PXDNL: variants seen among roughly 807,000 people sequenced by gnomAD.
PXDNL encodes probable oxidoreductase PXDNL.
Under a neutral mutation model 150.8 loss-of-function variants are expected in PXDNL, and 145 were observed. That is an observed-to-expected ratio of 0.96 (90% CI 0.84 to 1.10). The LOEUF is 1.10. Among genes scored for constraint, PXDNL ranks in the 50% least tolerant of loss-of-function variants. The pLI is 0.00. For synonymous variants in PXDNL, 757 were observed against 725.7 expected, an observed-to-expected ratio of 1.04 and a Z score of -0.69; for missense variants, 2,087 against 1,873.9, an observed-to-expected ratio of 1.11 and a Z score of -2.10.
chr8:51,573,185 A>C (rs1812981931), intron 3 of PXDNL, among the ~76,000 whole-genome samples: 2 of 152,016 alleles, frequency 1.3e-5, no homozygotes, highest in Admixed American at 1.3e-4. Flanking sequence ...CATGCCATTA[A>C]AAGTCAACTG....
intron 1 of PXDNL, among the ~76,000 whole-genome samples, chr8:51,768,021 G>T (rs1563315212): frequency 6.6e-6 from 1 of 152,136 alleles, no homozygotes; most frequent in Non-Finnish European, 1.5e-5. Context: ...TGGTTTCTAG[G>T]CTCCTGATTT....
chr8:51,382,339 C>G (rs973241499), intron 17 of PXDNL, among the ~76,000 whole-genome samples: 2 of 152,140 alleles, frequency 1.3e-5, no homozygotes, highest in African/African-American at 2.4e-5. Context: ...CACCTTGATT[C>G]CAGACTTCCA....
At chr8:51,773,972 G>C (rs2037326019) in intron 1 of PXDNL, among the ~76,000 whole-genome samples, 1 of 152,150 alleles carries the variant, frequency 6.6e-6, no homozygotes, top group African/African-American at 2.4e-5. Context: ...TTAGGGACAT[G>C]TAAATTGAGA....
intron 19 of PXDNL, among the ~76,000 whole-genome samples, chr8:51,371,443 T>C (rs1250727699): frequency 1.3e-5 from 2 of 152,256 alleles, no homozygotes; most frequent in African/African-American, 2.4e-5. Flanking sequence ...CAAAATTTCC[T>C]TGTACTTCCA....
chr8:51,499,631 G>T, intron 5 of PXDNL, 68 bp downstream of exon 5: 1 of 1,219,544 alleles, frequency 8.2e-7, no homozygotes, highest in Non-Finnish European at 1.2e-6. Flanking sequence ...CTCCACGGCA[G>T]TCAGATGGGT....
chr8:51,454,827 GCTC>G (rs1809889982), intron 9 of PXDNL, among the ~76,000 whole-genome samples: 1 of 152,186 alleles, frequency 6.6e-6, no homozygotes, highest in Admixed American at 6.5e-5. Context: ...CTCCTTGTGT[GCTC>G]CTACTCTAGC....
At chr8:51,397,584 C>T (rs1250572980) in intron 17 of PXDNL, among the ~76,000 whole-genome samples, 1 of 152,018 alleles carries the variant, frequency 6.6e-6, no homozygotes, top group Non-Finnish European at 1.5e-5. Flanking sequence ...TAAATAGTTG[C>T]AATGTACTGT....
chr8:51,775,920 G>A (rs2037348047), intron 1 of PXDNL, among the ~76,000 whole-genome samples: 1 of 152,172 alleles, frequency 6.6e-6, no homozygotes, highest in African/African-American at 2.4e-5. Flanking sequence ...GCAAATAGGA[G>A]AAATATCGCT....
At chr8:51,703,292 CCA>C (rs1816295527) in intron 1 of PXDNL, among the ~76,000 whole-genome samples, 2 of 42,160 alleles carry the variant, frequency 4.7e-5, no homozygotes, top group South Asian at 1.5e-3. Flanking sequence ...TCTTTTCATA[CCA>C]AAAAAAAAAA....
intron 4 of PXDNL, among the ~76,000 whole-genome samples, chr8:51,516,009 C>G (rs192197035): frequency 1.1e-3 from 162 of 152,116 alleles, no homozygotes; most frequent in African/African-American, 3.9e-3. Flanking sequence ...AATTTCGAGT[C>G]ATAACTGAGG....
At chr8:51,455,642 G>A (rs1809923550) in intron 9 of PXDNL, among the ~76,000 whole-genome samples, 1 of 152,148 alleles carries the variant, frequency 6.6e-6, no homozygotes, top group South Asian at 2.1e-4. Context: ...CATTAGGAAA[G>A]GATCAAGAGG....
chr8:51,405,724 C>T (rs1481935349), intron 17 of PXDNL, among the ~76,000 whole-genome samples: 1 of 152,112 alleles, frequency 6.6e-6, no homozygotes, highest in East Asian at 1.9e-4. Flanking sequence ...TACAAATTTG[C>T]CGTTAATGAA....
intron 21 of PXDNL, among the ~76,000 whole-genome samples, chr8:51,323,948 TAA>T (rs909313432): frequency 9.8e-5 from 12 of 122,422 alleles, no homozygotes; most frequent in Non-Finnish European, 8.3e-5. Context: ...AATAAAAAAA[TAA>T]AAAAAAAAAG....
intron 2 of PXDNL, among the ~76,000 whole-genome samples, chr8:51,615,176 T>C (rs2130723117): frequency 6.6e-6 from 1 of 152,256 alleles, no homozygotes; most frequent in South Asian, 2.1e-4. Context: ...CAACATAAAA[T>C]AGCATGTCTG....
At chr8:51,804,523 A>G (rs1372751347) in intron 1 of PXDNL, among the ~76,000 whole-genome samples, 2 of 152,094 alleles carry the variant, frequency 1.3e-5, no homozygotes, top group African/African-American at 2.4e-5. Context: ...TTTTTACTCC[A>G]TAAATACAGA....
At chr8:51,723,519 G>A (rs1056051149) in intron 1 of PXDNL, among the ~76,000 whole-genome samples, 1 of 152,302 alleles carries the variant, frequency 6.6e-6, no homozygotes, top group Admixed American at 6.5e-5. Flanking sequence ...AGTCCAGAAT[G>A]TTAGGAAAGG....
At chr8:51,469,261 A>AT (rs1251448288) in intron 8 of PXDNL, among the ~76,000 whole-genome samples, 2 of 152,008 alleles carry the variant, frequency 1.3e-5, no homozygotes, top group Non-Finnish European at 2.9e-5. Context: ...GGAATGAAAG[A>AT]TTTTGTCTCT....
intron 20 of PXDNL, among the ~76,000 whole-genome samples, chr8:51,340,428 T>C (rs750652472): frequency 6.6e-6 from 1 of 152,356 alleles, no homozygotes; most frequent in East Asian, 1.9e-4. Context: ...TATTTTTAGA[T>C]AGATTTGATT....
chr8:51,491,670 C>G (rs1810898705), intron 5 of PXDNL, among the ~76,000 whole-genome samples: 1 of 152,162 alleles, frequency 6.6e-6, no homozygotes, highest in African/African-American at 2.4e-5. Context: ...TTCCCATCTT[C>G]ACAGTTTTCA....
Sources: allele counts gnomAD v4.1 joint callset (sites outside exome capture counted in the v4.1 genomes callset), GRCh38; gene constraint gnomAD v4.1.1; transcripts MANE v1.5; gene names NCBI Gene and HGNC (gene_info 2026-07-23, HGNC 2026-07-21).